Variants in LYPD6 observed in about 807,000 individuals in gnomAD.
LYPD6 encodes the protein ly6/PLAUR domain-containing protein 6.
In LYPD6, 15 loss-of-function variants were observed where a neutral mutation model predicts 22.7. The observed-to-expected ratio is 0.66, with a 90% CI of 0.44 to 1.02. The LOEUF (loss-of-function observed/expected upper bound fraction) is 1.02. Among genes scored for constraint, LYPD6 ranks in the 50% least tolerant of loss-of-function variants. LYPD6 has a pLI of 0.00. For missense variants in LYPD6, 189 were observed against 208.4 expected (o/e 0.91, Z 0.57); for synonymous variants, 72 against 77.5 (o/e 0.93, Z 0.37).
In LYPD6 at chr2:149,433,865, C is replaced by G. The variant is rs934094814; in HGVS notation, c.-71-3773C>G. Among the ~76,000 whole-genome samples the G allele has an allele frequency of 4.6e-5, 7 of 152,048 alleles. No individual in the cohort carries two copies. The East Asian group carries it at 1.2e-3, about 25-fold the overall frequency. ...ATCTCCTTTTTGACCTGAGCCTTGG[C>G]TTTTTGGTATTGTCCTTTAATATAT... is the stretch of plus-strand genomic sequence containing the variant. On this transcript the variant is annotated intron_variant, in intron 1 of 4. Transcript: ENST00000334166.
intron 1 of LYPD6, among the ~76,000 whole-genome samples, chr2:149,411,023 C>T (rs563641553): frequency 3.3e-5 from 5 of 152,308 alleles, no homozygotes; most frequent in Admixed American, 6.5e-5. Context: ...ATGAAGTCAT[C>T]GACCATTAGG....
intron 4 of LYPD6, 58 bp downstream of exon 4, chr2:149,468,833 A>G (rs1401009130): frequency 6.3e-7 from 1 of 1,583,288 alleles, no homozygotes; most frequent in Non-Finnish European, 8.6e-7. Context: ...CTCTTCAGAC[A>G]TCTGCCAGTA....
chr2:149,372,826 A>C (rs1421909081), intron 1 of LYPD6, among the ~76,000 whole-genome samples: 1 of 152,184 alleles, frequency 6.6e-6, no homozygotes, highest in African/African-American at 2.4e-5. Flanking sequence ...GTTACACAGG[A>C]GCATACAAAT....
At chr2:149,446,967 T>C (rs1331947786) in intron 2 of LYPD6, among the ~76,000 whole-genome samples, 1 of 152,194 alleles carries the variant, frequency 6.6e-6, no homozygotes, top group Admixed American at 6.5e-5. Flanking sequence ...CAGAGCAATT[T>C]ACCCTGAGAT....
intron 4 of LYPD6, 61 bp from the exon 5 acceptor site, chr2:149,470,622 A>G (rs975852350): frequency 1.3e-6 from 2 of 1,521,476 alleles, no homozygotes; most frequent in African/African-American, 2.8e-5. Context: ...GCCTTCAAAA[A>G]CCCTGCCTCC....
At chr2:149,439,174 T>C (rs938931247) in intron 2 of LYPD6, among the ~76,000 whole-genome samples, 5 of 152,184 alleles carry the variant, frequency 3.3e-5, no homozygotes, top group Non-Finnish European at 7.3e-5. Flanking sequence ...AATACAATGC[T>C]CCAGTGTTGT....
At chr2:149,475,039 A>G (rs1171001921), downstream of LYPD6, among the ~76,000 whole-genome samples, 1 of 152,124 alleles carries the variant, frequency 6.6e-6, no homozygotes, top group Non-Finnish European at 1.5e-5. Context: ...AGGGGTTTTA[A>G]AAGAAATTCT....
intron 3 of LYPD6, among the ~76,000 whole-genome samples, chr2:149,455,059 C>T (rs770411942): frequency 6.6e-6 from 1 of 152,110 alleles, no homozygotes; most frequent in Non-Finnish European, 1.5e-5. Flanking sequence ...GAATGTCAGG[C>T]ACCACTCAGG....
intron 3 of LYPD6, among the ~76,000 whole-genome samples, chr2:149,453,710 C>G (rs1167797576): frequency 6.6e-6 from 1 of 152,218 alleles, no homozygotes; most frequent in African/African-American, 2.4e-5. Context: ...ACCATAGTTA[C>G]AAATTTTCAG....
chr2:149,349,787 A>G (rs1458305129), intron 1 of LYPD6, among the ~76,000 whole-genome samples: 2 of 152,230 alleles, frequency 1.3e-5, no homozygotes, highest in Non-Finnish European at 2.9e-5. Context: ...TTTATAGACT[A>G]TCAGGAGGTC....
Position 149,473,797 on chromosome 2 carries a change from A to G in LYPD6, c.*2947A>G, listed in dbSNP as rs1558821508. The G allele has an allele frequency of 6.6e-6, 1 of 152,212 alleles. No individual in the cohort carries two copies. Among genetic ancestry groups the G allele is most frequent in the African/African-American group, 2.4e-5 (1 of 41,458 alleles). 9.4% of individuals were successfully genotyped at this position (152,212 alleles called of 1,614,324 possible). The stretch of plus-strand genomic sequence containing the variant: ...AGATACAAGACAATTCACCCATGCC[A>G]AATGATTCATACAGGCTGTTTAAGT... On this transcript the variant is annotated 3_prime_UTR_variant, in exon 5 of 5. Coordinates refer to ENST00000334166, the MANE Select transcript of LYPD6 (RefSeq NM_194317.5).
intron 2 of LYPD6, among the ~76,000 whole-genome samples, chr2:149,438,453 A>C (rs1299562802): frequency 6.6e-6 from 1 of 152,180 alleles, no homozygotes; most frequent in Non-Finnish European, 1.5e-5. Flanking sequence ...CAGCAGTTTG[A>C]CTTCCTCTTT....
At chr2:149,455,601 CT>C (rs1332328736) in intron 3 of LYPD6, among the ~76,000 whole-genome samples, 2 of 152,232 alleles carry the variant, frequency 1.3e-5, no homozygotes, top group South Asian at 2.1e-4. Context: ...CCATACAAGA[CT>C]TTTTTTCGTA....
intron 2 of LYPD6, among the ~76,000 whole-genome samples, chr2:149,447,828 A>T (rs1303538340): frequency 6.6e-6 from 1 of 152,228 alleles, no homozygotes; most frequent in Non-Finnish European, 1.5e-5. Context: ...TTAAAGTCAT[A>T]TGCAATTTTA....
At chr2:149,441,838 T>C (rs1337352414) in intron 2 of LYPD6, among the ~76,000 whole-genome samples, 1 of 152,194 alleles carries the variant, frequency 6.6e-6, no homozygotes, top group Admixed American at 6.5e-5. Context: ...TCCATTTCTT[T>C]CCTTAGAATA....
chr2:149,392,904 A>G (rs758474158), intron 1 of LYPD6, among the ~76,000 whole-genome samples: 4 of 152,118 alleles, frequency 2.6e-5, no homozygotes, highest in Admixed American at 6.5e-5. Context: ...GTGAGTGCCT[A>G]TAGTTCCAGC....
intron 3 of LYPD6, among the ~76,000 whole-genome samples, chr2:149,457,811 A>AG (rs1477704813): frequency 6.6e-6 from 1 of 152,188 alleles, no homozygotes; most frequent in Non-Finnish European, 1.5e-5. Flanking sequence ...AAAGACATGA[A>AG]GGGACTCTGA....
At chr2:149,339,660 A>G (rs1681123066) in intron 1 of LYPD6, among the ~76,000 whole-genome samples, 1 of 152,312 alleles carries the variant, frequency 6.6e-6, no homozygotes, top group South Asian at 2.1e-4. Flanking sequence ...AACTAGAACT[A>G]GAATACATCT....
At chr2:149,362,763 A>G (rs957715719) in intron 1 of LYPD6, among the ~76,000 whole-genome samples, 3 of 152,158 alleles carry the variant, frequency 2.0e-5, no homozygotes, top group Non-Finnish European at 4.4e-5. Flanking sequence ...TACTCTTATG[A>G]TAAATAACCC....
Sources: gnomAD v4.1 joint callset for allele counts (sites outside exome capture counted in the v4.1 genomes callset) on GRCh38, gnomAD v4.1.1 for gene constraint, MANE v1.5 for transcripts, NCBI Gene and HGNC (gene_info 2026-07-23, HGNC 2026-07-21) for gene names.